PELI2: variants seen among roughly 807,000 people sequenced by gnomAD.
PELI2 encodes E3 ubiquitin-protein ligase pellino homolog 2.
In PELI2, 23 loss-of-function variants were observed where a neutral mutation model predicts 42.3. That is an observed-to-expected ratio of 0.54 (90% CI 0.39 to 0.77). PELI2 has a LOEUF of 0.77. PELI2 is among the 30% of genes least tolerant of loss of function. PELI2 has a pLI of 0.00. For missense variants in PELI2, 463 were observed against 553.2 expected (o/e 0.84, Z 1.64); for synonymous variants, 245 against 212.2 (o/e 1.15, Z -1.34).
At chr14:56,245,086 C>T (rs980652858) in intron 2 of PELI2, among the ~76,000 whole-genome samples, 21 of 152,152 alleles carry the variant, frequency 1.4e-4, no homozygotes, top group Middle Eastern at 3.2e-3. Flanking sequence ...TCTCTTAATT[C>T]GAAACATTGC....
chr14:56,262,685 A>G (rs1888752211), intron 2 of PELI2, among the ~76,000 whole-genome samples: 2 of 152,126 alleles, frequency 1.3e-5, no homozygotes, highest in African/African-American at 4.8e-5. Context: ...CAAAGGACTC[A>G]TGGTTAGTTG....
At chr14:56,287,437 G>A (rs1889681148) in intron 3 of PELI2, among the ~76,000 whole-genome samples, 1 of 152,158 alleles carries the variant, frequency 6.6e-6, no homozygotes, top group Non-Finnish European at 1.5e-5. Context: ...AATGAATCTA[G>A]CAGAGAGGAG....
intron 5 of PELI2, among the ~76,000 whole-genome samples, chr14:56,294,342 G>A (rs1482669221): frequency 2.0e-5 from 3 of 152,158 alleles, no homozygotes; most frequent in Non-Finnish European, 4.4e-5. Context: ...TGGGCAGTCC[G>A]AGGTAGTGCG....
chr14:56,244,613 T>G (rs1303962894), intron 2 of PELI2, among the ~76,000 whole-genome samples: 1 of 152,186 alleles, frequency 6.6e-6, no homozygotes, highest in African/African-American at 2.4e-5. Context: ...ATGCTCATCC[T>G]CCCTCCACTT....
chr14:56,157,866 G>A (rs1884624076), intron 1 of PELI2, among the ~76,000 whole-genome samples: 1 of 152,214 alleles, frequency 6.6e-6, no homozygotes, highest in African/African-American at 2.4e-5. Flanking sequence ...GTATGATACA[G>A]AGGATTCCAA....
At chr14:56,282,820 T>C (rs1889523849) in intron 3 of PELI2, among the ~76,000 whole-genome samples, 1 of 152,152 alleles carries the variant, frequency 6.6e-6, no homozygotes, top group African/African-American at 2.4e-5. Context: ...TATGGAACTT[T>C]ATTATTATAT....
intron 2 of PELI2, among the ~76,000 whole-genome samples, chr14:56,205,724 C>T (rs1886494410): frequency 6.6e-6 from 1 of 152,150 alleles, no homozygotes; most frequent in Admixed American, 6.5e-5. Flanking sequence ...GAGCACAGCA[C>T]CATTGCAAGG....
At chr14:56,239,406 T>G (rs1040640024) in intron 2 of PELI2, among the ~76,000 whole-genome samples, 1 of 152,236 alleles carries the variant, frequency 6.6e-6, no homozygotes, top group African/African-American at 2.4e-5. Flanking sequence ...CTATCAGTTA[T>G]TTGAGTTTGA....
chr14:56,150,903 C>T (rs1269764958), intron 1 of PELI2, among the ~76,000 whole-genome samples: 7 of 152,158 alleles, frequency 4.6e-5, no homozygotes, highest in Non-Finnish European at 7.3e-5. Flanking sequence ...CCAGGTGATG[C>T]ACAGGATTCC....
At position 56,125,160 on chromosome 14, in the gene PELI2, C is replaced by T. The variant is rs187464558; in HGVS notation, c.77+6423C>T. ...GCTGTCTTGCTTCTAGTTCCTGGTTCGGGTACCTCCTGAGACCTAGTTTCG... is the reference window on the plus strand; with the variant it reads ...GCTGTCTTGCTTCTAGTTCCTGGTTTGGGTACCTCCTGAGACCTAGTTTCG... On this transcript the variant is annotated intron_variant, in intron 1 of 5. Coordinates refer to ENST00000267460, the MANE Select transcript of PELI2 (RefSeq NM_021255.3). Among the ~76,000 whole-genome samples, 548 of 152,178 alleles carry T rather than the reference C, an allele frequency of 3.6e-3. 8 individuals are homozygous for T. Among genetic ancestry groups the T allele is most frequent in the Non-Finnish European group, 3.6e-3 (247 of 68,020 alleles).
At chr14:56,243,277 CT>C (rs1047536757) in intron 2 of PELI2, among the ~76,000 whole-genome samples, 1 of 152,182 alleles carries the variant, frequency 6.6e-6, no homozygotes, top group African/African-American at 2.4e-5. Flanking sequence ...GGGAGTGTGT[CT>C]TTTGAGAGCC....
At chr14:56,169,226 G>A (rs987191889) in intron 1 of PELI2, among the ~76,000 whole-genome samples, 20 of 152,206 alleles carry the variant, frequency 1.3e-4, no homozygotes, top group African/African-American at 4.3e-4. Flanking sequence ...TCTCCCTGCC[G>A]CCAAGCCCAC....
chr14:56,224,153 T>C (rs1198101507), intron 2 of PELI2, among the ~76,000 whole-genome samples: 2 of 152,210 alleles, frequency 1.3e-5, no homozygotes, highest in African/African-American at 4.8e-5. Context: ...TTCAGAAATA[T>C]CCAGAATAAT....
intron 1 of PELI2, among the ~76,000 whole-genome samples, chr14:56,123,481 A>G (rs1356493551): frequency 6.6e-6 from 1 of 152,086 alleles, no homozygotes; most frequent in Non-Finnish European, 1.5e-5. Context: ...TGGAGTGTCT[A>G]ATTCTGTGGG....
intron 2 of PELI2, among the ~76,000 whole-genome samples, chr14:56,203,416 A>G (rs1009565792): frequency 1.3e-5 from 2 of 152,054 alleles, no homozygotes; most frequent in Non-Finnish European, 2.9e-5. Flanking sequence ...GTTTTTTGCA[A>G]ATATACATAT....
chr14:56,249,659 G>T (rs185931126), intron 2 of PELI2, among the ~76,000 whole-genome samples: 1 of 152,180 alleles, frequency 6.6e-6, no homozygotes, highest in Non-Finnish European at 1.5e-5. Context: ...CCCTGAGGAG[G>T]CAATATGGGA....
intron 1 of PELI2, chr14:56,119,355 G>C (rs185904479): frequency 6.6e-6 from 1 of 152,190 alleles, no homozygotes; most frequent in African/African-American, 2.4e-5. Context: ...TGTGACCCGG[G>C]CCGGCCGGCC....
chr14:56,162,495 C>T (rs887516862), intron 1 of PELI2, among the ~76,000 whole-genome samples: 1 of 152,168 alleles, frequency 6.6e-6, no homozygotes, highest in Non-Finnish European at 1.5e-5. Flanking sequence ...TGTACATTTT[C>T]TCTATCCATT....
intron 3 of PELI2, among the ~76,000 whole-genome samples, chr14:56,286,535 G>C (rs1364436628): frequency 6.6e-6 from 1 of 152,182 alleles, no homozygotes; most frequent in East Asian, 1.9e-4. Context: ...CCGGCATTCT[G>C]TGACTATCAC....
Sources: allele counts gnomAD v4.1 joint callset (sites outside exome capture counted in the v4.1 genomes callset), GRCh38; gene constraint gnomAD v4.1.1; transcripts MANE v1.5; gene names NCBI Gene and HGNC (gene_info 2026-07-23, HGNC 2026-07-21).